The following IL7 variants were observed in gnomAD, a reference collection of about 807,000 sequenced individuals.
IL7 encodes the protein interleukin-7.
Under a neutral mutation model 21.6 loss-of-function variants are expected in IL7, and 3 were observed. The ratio of observed to expected loss-of-function variants is 0.14; its 90% CI spans 0.06 to 0.36. The LOEUF (loss-of-function observed/expected upper bound fraction) is 0.36. Among genes scored for constraint, IL7 ranks in the 10% least tolerant of loss-of-function variants. IL7 has a pLI of 1.00. For missense variants in IL7, 175 were observed against 200.2 expected, an observed-to-expected ratio of 0.87 and a Z score of 0.76; for synonymous variants, 62 against 68.1, an observed-to-expected ratio of 0.91 and a Z score of 0.44.
chr8:78,690,305 A>T (rs994932831), intron 3 of IL7, among the ~76,000 whole-genome samples: 4 of 152,188 alleles, frequency 2.6e-5, no homozygotes, highest in African/African-American at 9.6e-5. Context: ...CCCGCCTTTA[A>T]TCCCAGCACT....
chr8:78,682,928 T>C (rs918202731), intron 4 of IL7, among the ~76,000 whole-genome samples: 1 of 152,230 alleles, frequency 6.6e-6, no homozygotes, highest in Admixed American at 6.5e-5. Context: ...ACAGGCTCCA[T>C]GCAAGTCTGA....
intron 3 of IL7, chr8:78,689,377 A>C (rs746865537): frequency 1.9e-6 from 3 of 1,565,000 alleles, no homozygotes; most frequent in Non-Finnish European, 2.6e-6. Context: ...ACAGGTGGTA[A>C]GTTCAGTTTT....
downstream of IL7, chr8:78,715,339 C>T: frequency 6.3e-7 from 1 of 1,594,594 alleles, no homozygotes; most frequent in Non-Finnish European, 8.5e-7. Flanking sequence ...GTATGTTTAG[C>T]TCTGCTCTCC....
intron 1 of IL7, among the ~76,000 whole-genome samples, chr8:78,803,207 T>C (rs1014929735): frequency 1.3e-5 from 2 of 152,174 alleles, no homozygotes; most frequent in Non-Finnish European, 2.9e-5. Context: ...CTCTGTTGCC[T>C]AGGCTGGAGG....
intron 2 of IL7, among the ~76,000 whole-genome samples, chr8:78,776,509 G>C (rs1219612641): frequency 6.6e-6 from 1 of 152,036 alleles, no homozygotes; most frequent in African/African-American, 2.4e-5. Flanking sequence ...ATCATATTGT[G>C]TATGTTTGAA....
chr8:78,760,126 T>G (rs1812499068), intron 2 of IL7: 2 of 1,504,898 alleles, frequency 1.3e-6, no homozygotes, highest in African/African-American at 2.8e-5. Flanking sequence ...TAAGAAAGCC[T>G]GTTTTTAAAA....
chr8:78,721,592 AG>A (rs1241840204), intron 3 of IL7, among the ~76,000 whole-genome samples: 2 of 152,046 alleles, frequency 1.3e-5, no homozygotes, highest in African/African-American at 4.8e-5. Context: ...GGAGACGGCC[AG>A]TAGTGCTGAG....
Position 78,774,697 on chromosome 8 carries a change from CAATT to C in IL7, c.147+23371_147+23374del, listed in dbSNP as rs543630158. 7.2e-5 allele frequency among the ~76,000 whole-genome samples: 11 copies of C among 152,058 alleles called. No individual in the cohort carries two copies. The South Asian group carries it at 2.3e-3, about 32-fold the overall frequency. On this transcript the variant is annotated intron_variant, in intron 2 of 5. Transcript: ENST00000263851. ...CAGAAATAGAAAGTTAATATTTTAACAATTAATATTGATGGAATCCACTGTAGAG... is the reference window on the plus strand; with the variant it reads ...CAGAAATAGAAAGTTAATATTTTAACAATATTGATGGAATCCACTGTAGAG...
At chr8:78,713,316 A>G (rs967072932), downstream of IL7, among the ~76,000 whole-genome samples, 5 of 152,126 alleles carry the variant, frequency 3.3e-5, no homozygotes, top group African/African-American at 1.2e-4. Flanking sequence ...ATTGGTAGCT[A>G]TTAATGATGA....
At chr8:78,763,592 A>T (rs1174302825) in intron 2 of IL7, among the ~76,000 whole-genome samples, 1 of 152,214 alleles carries the variant, frequency 6.6e-6, no homozygotes, top group Non-Finnish European at 1.5e-5. Flanking sequence ...TGCATCAATT[A>T]CTCAAAAGGC....
downstream of IL7, chr8:78,715,079 G>A (rs2130614292): frequency 1.4e-6 from 1 of 704,676 alleles, no homozygotes; most frequent in South Asian, 2.5e-5. Flanking sequence ...TTTGCTTTCA[G>A]ATTTAAAATA....
At chr8:78,740,151 A>ATT in intron 2 of IL7, 69 bp from the exon 3 acceptor site, 1 of 914,388 alleles carries the variant, frequency 1.1e-6, no homozygotes, top group Non-Finnish European at 1.5e-6. Flanking sequence ...AATTATAAAA[A>ATT]ATAATAATCT....
chr8:78,797,355 A>T (rs545432482), intron 2 of IL7, among the ~76,000 whole-genome samples: 1 of 152,134 alleles, frequency 6.6e-6, no homozygotes, highest in Admixed American at 6.5e-5. Flanking sequence ...CAAAACCCAT[A>T]AAACTATAAA....
intron 2 of IL7, among the ~76,000 whole-genome samples, chr8:78,741,035 G>T (rs1450429292): frequency 6.6e-6 from 1 of 152,244 alleles, no homozygotes; most frequent in East Asian, 1.9e-4. Flanking sequence ...GAGCTTCTGG[G>T]ACTGAAAGCA....
At chr8:78,722,103 T>A (rs1811252050) in intron 3 of IL7, among the ~76,000 whole-genome samples, 1 of 151,980 alleles carries the variant, frequency 6.6e-6, no homozygotes. Flanking sequence ...GTAAGTTATC[T>A]TTTATATTTT....
chr8:78,769,973 G>T (rs1474238431), intron 2 of IL7, among the ~76,000 whole-genome samples: 1 of 152,066 alleles, frequency 6.6e-6, no homozygotes, highest in African/African-American at 2.4e-5. Flanking sequence ...GGGAAAACTG[G>T]CTAGCCATAT....
Position 78,735,276 on chromosome 8 carries a change from C to CTTTTTTTTTTTTTTTTTGTTTTTTTTT in IL7, c.414+1197_414+1198insAAAAAAAAACAAAAAAAAAAAAAAAAA. 1.5e-3 allele frequency among the ~76,000 whole-genome samples: 118 copies of CTTTTTTTTTTTTTTTTTGTTTTTTTTT among 78,494 alleles called. 1 individual carries two copies. Among genetic ancestry groups the CTTTTTTTTTTTTTTTTTGTTTTTTTTT allele is most frequent in the East Asian group, 2.6e-3 (7 of 2,734 alleles). The allele number at this position is 78,494 out of a possible 152,430, so 51.5% of individuals were successfully genotyped here. A position where few individuals can be genotyped will look rare whatever the true frequency, so the allele number is the denominator to read the frequency against. On this transcript the variant is annotated intron_variant, in intron 5 of 5. Transcript: ENST00000263851. ...TGGGAAAATAGTTATCTTTTCTTTT[C>CTTTTTTTTTTTTTTTTTGTTTTTTTTT]TTTTTTTTTTTTTTTTGTTTTTTTT...
At chr8:78,691,089 C>T (rs1409979902) in intron 3 of IL7, among the ~76,000 whole-genome samples, 1 of 152,120 alleles carries the variant, frequency 6.6e-6, no homozygotes, top group African/African-American at 2.4e-5. Flanking sequence ...TGATTTACTG[C>T]ATGGGCTAGA....
chr8:78,705,738 G>A (rs1202408360), intron 3 of IL7, among the ~76,000 whole-genome samples: 2 of 152,166 alleles, frequency 1.3e-5, no homozygotes, highest in African/African-American at 4.8e-5. Flanking sequence ...TCTATCCCAG[G>A]GACTTTGCAA....
Sources: gnomAD v4.1 joint callset for allele counts (sites outside exome capture counted in the v4.1 genomes callset) on GRCh38, gnomAD v4.1.1 for gene constraint, MANE v1.5 for transcripts, NCBI Gene and HGNC (gene_info 2026-07-23, HGNC 2026-07-21) for gene names.